Variants in SPON1 observed in about 807,000 individuals in gnomAD.
The protein encoded by SPON1 is spondin 1, also known as spondin-1.
Under a neutral mutation model 111.7 loss-of-function variants are expected in SPON1, and 52 were observed. The observed-to-expected ratio is 0.47, with a 90% confidence interval of 0.37 to 0.59. The LOEUF is 0.59. Among genes scored for constraint, SPON1 ranks in the 20% least tolerant of loss-of-function variants. The pLI, the probability that SPON1 is intolerant of heterozygous loss-of-function variation, is 0.00. For missense variants in SPON1, 957 were observed against 1,068.5 expected, an observed-to-expected ratio of 0.90 and a Z score of 1.46; for synonymous variants, 410 against 395.8, an observed-to-expected ratio of 1.04 and a Z score of -0.43.
intron 2 of SPON1, among the ~76,000 whole-genome samples, chr11:13,997,902 C>T (rs573485204): frequency 2.2e-4 from 34 of 152,116 alleles, no homozygotes; most frequent in African/African-American, 7.2e-4. Context: ...CAAAAGGCTC[C>T]GCACCAGAGG....
At chr11:14,179,917 A>G (rs2133886774) in intron 6 of SPON1, among the ~76,000 whole-genome samples, 1 of 152,020 alleles carries the variant, frequency 6.6e-6, no homozygotes, top group South Asian at 2.1e-4. Flanking sequence ...ATTTGTCTCT[A>G]CTTCCTATTT....
intron 3 of SPON1, among the ~76,000 whole-genome samples, chr11:14,058,535 C>T (rs1848764707): frequency 6.6e-6 from 1 of 151,964 alleles, no homozygotes; most frequent in African/African-American, 2.4e-5. Context: ...TGGGATTGTC[C>T]CTAGACCAGA....
chr11:14,091,400 C>T lies in SPON1; in HGVS notation c.676+11379C>T, dbSNP rs540766716. Among the ~76,000 whole-genome samples the T allele has an allele frequency of 3.9e-4, 59 of 152,308 alleles. 1 individual carries two copies. Among genetic ancestry groups the T allele is most frequent in the South Asian group, 1.7e-3 (8 of 4,828 alleles). On this transcript the variant is annotated intron_variant, in intron 5 of 15. Transcript: ENST00000576479. ...GGGGGTGGTGCTCGTTGGGGAGGCT[C>T]GGGCCGCACAGGAGCCCATGGAGTG...
chr11:14,171,832 T>C (rs1188741077), intron 6 of SPON1, among the ~76,000 whole-genome samples: 2 of 152,248 alleles, frequency 1.3e-5, no homozygotes, highest in African/African-American at 2.4e-5. Context: ...TGAGTTCTAG[T>C]TGGATTGCAC....
intron 6 of SPON1, among the ~76,000 whole-genome samples, chr11:14,180,847 T>G (rs1848229621): frequency 2.0e-5 from 3 of 152,218 alleles, no homozygotes; most frequent in South Asian, 4.1e-4. Context: ...CTCTTGATTT[T>G]CTCCCCCAGC....
chr11:14,057,774 T>G (rs1380897221), intron 3 of SPON1, among the ~76,000 whole-genome samples: 1 of 148,184 alleles, frequency 6.7e-6, no homozygotes, highest in Non-Finnish European at 1.5e-5. Flanking sequence ...GCTGGAAGAT[T>G]GCTTGAACCC....
chr11:14,236,401 G>A (rs1848867807), intron 6 of SPON1, among the ~76,000 whole-genome samples: 2 of 152,094 alleles, frequency 1.3e-5, no homozygotes, highest in Admixed American at 6.5e-5. Context: ...AATGAAGGAG[G>A]CTGGGCTTAG....
chr11:14,129,226 G>T (rs1847498949), intron 5 of SPON1, among the ~76,000 whole-genome samples: 1 of 151,560 alleles, frequency 6.6e-6, no homozygotes, highest in Non-Finnish European at 1.5e-5. Context: ...TTTATGCCCT[G>T]CTTCCCTTTT....
intron 2 of SPON1, among the ~76,000 whole-genome samples, chr11:14,014,417 C>G (rs1848429909): frequency 6.6e-6 from 1 of 152,182 alleles, no homozygotes; most frequent in Non-Finnish European, 1.5e-5. Context: ...ATTCCTTTTC[C>G]AGATAAACTG....
intron 5 of SPON1, among the ~76,000 whole-genome samples, chr11:14,121,082 T>C (rs1054278895): frequency 7.2e-5 from 11 of 152,202 alleles, no homozygotes; most frequent in Non-Finnish European, 1.2e-4. Context: ...AAAGGCTACA[T>C]ACTGTGGGAG....
At position 14,262,953 on chromosome 11, in the gene SPON1, G is replaced by C. The variant is rs1170702960; in HGVS notation, c.2238G>C (p.Glu746Asp). 3 of 1,613,100 alleles carry C rather than the reference G, an allele frequency of 1.9e-6. No homozygotes were observed. The East Asian group carries it at 6.7e-5, about 36-fold the overall frequency. Reference sequence around the variant, plus strand: ...GGCGGAGTGAGCAGCTGAAGGAAGAGTCTGAAGGGGAGCAGTTCCCAGGTA... The same window carrying C: ...GGCGGAGTGAGCAGCTGAAGGAAGACTCTGAAGGGGAGCAGTTCCCAGGTA... ...ESRRSEQLKE[E>D]SEGEQFPGCR... The change falls in exon 15 of 16, where the codon GAG (glutamate) becomes GAC (aspartate). Residue 746 changes from glutamate (E) to aspartate (D), a missense_variant. Around this residue, in one of 5 missense-constraint regions of SPON1, gnomAD observed 549 missense variants for 606.2 expected, o/e 0.91. Transcript: ENST00000576479.
chr11:14,173,801 C>G (rs1346902830), intron 6 of SPON1, among the ~76,000 whole-genome samples: 1 of 152,166 alleles, frequency 6.6e-6, no homozygotes, highest in Non-Finnish European at 1.5e-5. Flanking sequence ...GGCTGCAGAA[C>G]AGCGGATATT....
intron 3 of SPON1, among the ~76,000 whole-genome samples, chr11:14,044,842 A>G (rs1477198541): frequency 6.6e-6 from 1 of 152,232 alleles, no homozygotes; most frequent in African/African-American, 2.4e-5. Flanking sequence ...AATAAGATGT[A>G]TTAGAGATAT....
intron 6 of SPON1, among the ~76,000 whole-genome samples, chr11:14,167,540 C>T (rs1848044803): frequency 6.6e-6 from 1 of 151,918 alleles, no homozygotes; most frequent in Non-Finnish European, 1.5e-5. Flanking sequence ...TTTAACATTA[C>T]TTAAAAATCG....
chr11:14,173,928 C>T (rs1407870247), intron 6 of SPON1, among the ~76,000 whole-genome samples: 2 of 152,190 alleles, frequency 1.3e-5, no homozygotes, highest in East Asian at 3.9e-4. Context: ...TTAGGCTACT[C>T]GGGTGTCAGG....
intron 6 of SPON1, among the ~76,000 whole-genome samples, chr11:14,164,536 C>T (rs1028393232): frequency 6.6e-6 from 1 of 152,098 alleles, no homozygotes; most frequent in Admixed American, 6.6e-5. Context: ...CAAAAATAAA[C>T]CCGTTCTAAG....
At chr11:14,176,082 G>A (rs1167315769) in intron 6 of SPON1, among the ~76,000 whole-genome samples, 1 of 152,076 alleles carries the variant, frequency 6.6e-6, no homozygotes, top group East Asian at 1.9e-4. Flanking sequence ...GGGTCTCTGG[G>A]AAAGGCAAAG....
chr11:14,257,894 C>T lies in SPON1; in HGVS notation c.1488C>T (p.Asp496=), dbSNP rs187943509. The stretch of plus-strand genomic sequence containing the variant: ...CCTGCATGGGCCCTGGCTGCAGTGA[C>T]GAAGGTGAGGAGACAACCCAGACCA... ...FQPCMGPGCS[D]EDGSTCTMSE... is the part of the protein sequence containing the mutation. The change falls in exon 11 of 16, where the codon GAC becomes GAT. Residue 496 remains aspartate (D), a synonymous_variant. Transcript: ENST00000576479. 3.1e-5 allele frequency: 48 copies of T among 1,545,890 alleles called. No individual in the cohort carries two copies. The highest frequency in any genetic ancestry group is 1.4e-4 in the African/African-American group (10 of 73,306).
At chr11:14,052,486 C>T (rs1477020169) in intron 3 of SPON1, among the ~76,000 whole-genome samples, 1 of 152,172 alleles carries the variant, frequency 6.6e-6, no homozygotes, top group African/African-American at 2.4e-5. Flanking sequence ...GGTGGTTTTA[C>T]TTCAGGCAGC....
Sources: gnomAD v4.1 joint callset for allele counts (sites outside exome capture counted in the v4.1 genomes callset) on GRCh38, gnomAD v4.1.1 for gene constraint, gnomAD v4.1.1 regional missense constraint, MANE v1.5 for transcripts, NCBI Gene and HGNC (gene_info 2026-07-23, HGNC 2026-07-21) for gene names.